The following MINDY2 variants were observed in gnomAD, a reference collection of about 807,000 sequenced individuals.
The protein encoded by MINDY2 is ubiquitin carboxyl-terminal hydrolase MINDY-2.
Under a neutral mutation model 68.2 loss-of-function variants are expected in MINDY2, and 52 were observed. That is an observed-to-expected ratio of 0.76 (90% CI 0.61 to 0.96). MINDY2 has a LOEUF of 0.96. Among genes scored for constraint, MINDY2 ranks in the 40% least tolerant of loss-of-function variants. MINDY2 has a pLI of 0.00. For synonymous variants in MINDY2, 372 were observed against 303.0 expected, an observed-to-expected ratio of 1.23 and a Z score of -2.36; for missense variants, 881 against 773.4, an observed-to-expected ratio of 1.14 and a Z score of -1.65.
In MINDY2 at chr15:58,821,784, G is replaced by A. The variant is rs1391754293; in HGVS notation, c.1190G>A (p.Cys397Tyr). ...YNQLVEKIISCKQSDNSELVS... is the reference protein window; with the variant it reads ...YNQLVEKIISYKQSDNSELVS... ...CAACTAGTGGAGAAGATCATCTCTTGTAAACAGTCAGACAATAGTGAGCTG... is the reference window on the plus strand; with the variant it reads ...CAACTAGTGGAGAAGATCATCTCTTATAAACAGTCAGACAATAGTGAGCTG... Residue 397 changes from cysteine to tyrosine, a missense_variant, in exon 5 of 9, where the codon TGT (cysteine) becomes TAT (tyrosine). Physicochemically the swap from Cys to Tyr is radical, Grantham distance 194. Coordinates refer to ENST00000559228, the MANE Select transcript of MINDY2 (RefSeq NM_001040450.3). 3.8e-6 allele frequency: 6 copies of A among 1,591,748 alleles called. No homozygotes were observed. Among genetic ancestry groups the A allele is most frequent in the Non-Finnish European group, 4.3e-6 (5 of 1,172,134 alleles).
chr15:58,840,742 C>T (rs1044619011), intron 6 of MINDY2, among the ~76,000 whole-genome samples: 8 of 143,604 alleles, frequency 5.6e-5, no homozygotes, highest in East Asian at 2.1e-4. Flanking sequence ...GTGCAAGCTC[C>T]GCCTCCCAGG....
intron 1 of MINDY2, among the ~76,000 whole-genome samples, chr15:58,776,235 C>G (rs1039469983): frequency 6.6e-6 from 1 of 152,116 alleles, no homozygotes; most frequent in Non-Finnish European, 1.5e-5. Flanking sequence ...CAATAGTTCT[C>G]AACTTTTCTT....
intron 8 of MINDY2, among the ~76,000 whole-genome samples, chr15:58,853,819 T>TC (rs1205689243): frequency 9.8e-6 from 1 of 102,202 alleles, no homozygotes; most frequent in Non-Finnish European, 1.9e-5. Context: ...TCCATCTCAA[T>TC]AAAAAAAAAA....
At chr15:58,806,653 A>T (rs1051565349) in intron 3 of MINDY2, among the ~76,000 whole-genome samples, 1 of 152,172 alleles carries the variant, frequency 6.6e-6, no homozygotes, top group African/African-American at 2.4e-5. Context: ...AGCCATTAGA[A>T]ATCATATTGC....
At chr15:58,838,864 A>G (rs2032135399) in intron 6 of MINDY2, among the ~76,000 whole-genome samples, 1 of 151,892 alleles carries the variant, frequency 6.6e-6, no homozygotes, top group Non-Finnish European at 1.5e-5. Context: ...TACAGGTGTG[A>G]GCCACTGAGC....
intron 2 of MINDY2, among the ~76,000 whole-genome samples, chr15:58,791,689 A>G (rs1017526074): frequency 3.4e-5 from 5 of 148,916 alleles, no homozygotes; most frequent in African/African-American, 1.2e-4. Context: ...GTGACCAAGG[A>G]ACTGAATTTT....
rs181446918 is a variant in MINDY2 at position 58,787,671 on chromosome 15, A to G, written c.841-235A>G. Among the ~76,000 whole-genome samples, 1,332 of 150,296 alleles carry G rather than the reference A, an allele frequency of 8.9e-3. 17 individuals are homozygous for G. Among genetic ancestry groups the G allele is most frequent in the African/African-American group, 0.031 (1,253 of 40,802 alleles). ...AGAATGGCCTGAACCGGAGAGGCGC[A>G]GCTTGCAGTGAGCCGAGATTGCGCC... On this transcript the variant is annotated intron_variant, in intron 1 of 8. Coordinates refer to ENST00000559228, the MANE Select transcript of MINDY2 (RefSeq NM_001040450.3).
chr15:58,796,077 G>A (rs1422294104), intron 2 of MINDY2: 2 of 455,610 alleles, frequency 4.4e-6, no homozygotes, highest in South Asian at 1.6e-5. Context: ...ATGGAGTGGT[G>A]AGTTGAAGAG....
chr15:58,776,559 T>C (rs1173559843), intron 1 of MINDY2, among the ~76,000 whole-genome samples: 1 of 152,092 alleles, frequency 6.6e-6, no homozygotes, highest in African/African-American at 2.4e-5. Flanking sequence ...AGAGAGCTAA[T>C]AGAGTAGGGA....
intron 3 of MINDY2, among the ~76,000 whole-genome samples, chr15:58,806,383 G>T (rs1485778669): frequency 6.8e-6 from 1 of 147,500 alleles, no homozygotes. Flanking sequence ...TTTGAGACAG[G>T]GTCTCACTCT....
At chr15:58,814,596 C>T (rs1174624141) in intron 4 of MINDY2, among the ~76,000 whole-genome samples, 1 of 140,254 alleles carries the variant, frequency 7.1e-6, no homozygotes, top group Non-Finnish European at 1.5e-5. Flanking sequence ...TCAGGCTGGT[C>T]TCGAACTCCT....
intron 1 of MINDY2, among the ~76,000 whole-genome samples, chr15:58,780,607 T>A (rs1262382583): frequency 1.3e-5 from 2 of 152,090 alleles, no homozygotes; most frequent in Non-Finnish European, 2.9e-5. Context: ...GAAGCAGAAA[T>A]GGACTTCATG....
At chr15:58,847,808 A>G (rs1423876925) in intron 7 of MINDY2, among the ~76,000 whole-genome samples, 1 of 152,238 alleles carries the variant, frequency 6.6e-6, no homozygotes, top group Non-Finnish European at 1.5e-5. Flanking sequence ...TAAGAAGGAA[A>G]CAGGTCTAAG....
rs2032591295 is a variant in MINDY2 at position 58,847,428 on chromosome 15, T to C, written c.1500T>C (p.Asp500=). Residue 500 remains aspartate (D), a synonymous_variant, in exon 7 of 9, where the codon GAT becomes GAC. Coordinates refer to ENST00000559228, the MANE Select transcript of MINDY2 (RefSeq NM_001040450.3). The part of the protein sequence containing the change: ...DSEFHLRPPS[D]PETVYKGQQD... Reference sequence around the variant, plus strand: ...AATTTCATCTTCGACCTCCTTCAGATCCTGAAACTGTATACAAAGGACAAC... The same window carrying C: ...AATTTCATCTTCGACCTCCTTCAGACCCTGAAACTGTATACAAAGGACAAC... The C allele has an allele frequency of 1.2e-6, 2 of 1,603,464 alleles. No individual in the cohort carries two copies. Among genetic ancestry groups the C allele is most frequent in the Non-Finnish European group, 1.7e-6 (2 of 1,172,012 alleles).
At chr15:58,772,457 G>C (rs1222488546) in intron 1 of MINDY2, among the ~76,000 whole-genome samples, 1 of 152,146 alleles carries the variant, frequency 6.6e-6, no homozygotes, top group Non-Finnish European at 1.5e-5. Flanking sequence ...GTGTTTAAGA[G>C]TTCAACATTC....
intron 2 of MINDY2, among the ~76,000 whole-genome samples, chr15:58,788,403 G>C (rs980889526): frequency 6.6e-6 from 1 of 152,210 alleles, no homozygotes; most frequent in Non-Finnish European, 1.5e-5. Flanking sequence ...CAGTGAGGTA[G>C]AATCTTCTCC....
intron 4 of MINDY2, 121 bp downstream of exon 4, chr15:58,810,509 C>G (rs2030161939): frequency 3.2e-6 from 3 of 942,076 alleles, no homozygotes; most frequent in Non-Finnish European, 4.6e-6. Flanking sequence ...CTGGAATTAG[C>G]CAAACTATGA....
intron 3 of MINDY2, among the ~76,000 whole-genome samples, chr15:58,808,858 C>A (rs1206658353): frequency 6.6e-6 from 1 of 152,198 alleles, no homozygotes; most frequent in Non-Finnish European, 1.5e-5. Context: ...CCCGCCTCAG[C>A]CTCCCAAAGT....
At chr15:58,848,077 ATTTTTT>A (rs10719398) in intron 7 of MINDY2, among the ~76,000 whole-genome samples, 13 of 143,868 alleles carry the variant, frequency 9.0e-5, no homozygotes, top group African/African-American at 3.1e-4. Flanking sequence ...GACAGATGAG[ATTTTTT>A]TTTTTTTTTT....
Sources: gnomAD v4.1 joint callset for allele counts (sites outside exome capture counted in the v4.1 genomes callset) on GRCh38, gnomAD v4.1.1 for gene constraint, MANE v1.5 for transcripts, NCBI Gene and HGNC (gene_info 2026-07-23, HGNC 2026-07-21) for gene names.